PDLIM5: variants seen among roughly 807,000 people sequenced by gnomAD.
The protein encoded by PDLIM5 is PDZ and LIM domain protein 5.
Under a neutral mutation model 64.2 loss-of-function variants are expected in PDLIM5, and 34 were observed. The ratio of observed to expected loss-of-function variants is 0.53; its 90% confidence interval spans 0.40 to 0.71. PDLIM5 has a LOEUF of 0.71. Ranked by LOEUF, PDLIM5 falls within the 30% of genes least tolerant of loss-of-function variation. The probability of loss-of-function intolerance (pLI) is 0.00; values close to 1 mark genes in which losing one functional copy is unlikely to be tolerated. For missense variants in PDLIM5, 683 were observed against 733.6 expected (o/e 0.93, Z 0.80); for synonymous variants, 253 against 269.1 (o/e 0.94, Z 0.59).
chr4:94,521,702 C>T (rs1457722085), intron 2 of PDLIM5, among the ~76,000 whole-genome samples: 1 of 151,678 alleles, frequency 6.6e-6, no homozygotes, highest in Non-Finnish European at 1.5e-5. Flanking sequence ...ATGTTCATTA[C>T]CTTTATATTA....
intron 11 of PDLIM5, among the ~76,000 whole-genome samples, chr4:94,662,112 C>A (rs546475522): frequency 1.8e-4 from 28 of 152,214 alleles, no homozygotes; most frequent in Middle Eastern, 3.4e-3. Flanking sequence ...AGCAACCGCG[C>A]CCGGCCAGAA....
chr4:94,543,332 T>C (rs1431569258), intron 3 of PDLIM5, among the ~76,000 whole-genome samples: 1 of 152,140 alleles, frequency 6.6e-6, no homozygotes, highest in Non-Finnish European at 1.5e-5. Context: ...ATAAAAGTTG[T>C]ATATGTTTAT....
chr4:94,524,314 A>G (rs1434433965), intron 3 of PDLIM5, among the ~76,000 whole-genome samples: 1 of 147,916 alleles, frequency 6.8e-6, no homozygotes, highest in Non-Finnish European at 1.5e-5. Context: ...GGTTGCATTA[A>G]GCTCTGATCG....
intron 2 of PDLIM5, among the ~76,000 whole-genome samples, chr4:94,476,577 A>C (rs1170686176): frequency 6.6e-6 from 1 of 152,184 alleles, no homozygotes; most frequent in Non-Finnish European, 1.5e-5. Context: ...TTCTTTATGT[A>C]ACAGTACACC....
At chr4:94,452,207 A>G (rs1245064418) in intron 1 of PDLIM5, among the ~76,000 whole-genome samples, 1 of 152,188 alleles carries the variant, frequency 6.6e-6, no homozygotes, top group South Asian at 2.1e-4. Context: ...GGAAAAGGGC[A>G]GCGCTGGAGT....
At chr4:94,589,121 A>G (rs1246205939) in intron 7 of PDLIM5, among the ~76,000 whole-genome samples, 2 of 152,240 alleles carry the variant, frequency 1.3e-5, no homozygotes, top group Non-Finnish European at 2.9e-5. Flanking sequence ...CAGGATCCTA[A>G]AAGATGATGT....
Position 94,665,043 on chromosome 4 carries a change from T to G in PDLIM5, c.*976T>G. 1.0e-6 allele frequency: 1 copy of G among 982,294 alleles called. No homozygotes were observed. The highest frequency in any genetic ancestry group is 1.2e-6 in the Non-Finnish European group (1 of 826,992). 60.8% of individuals were successfully genotyped at this position (982,294 alleles called of 1,614,324 possible). ...CCATATAGCTTATAAGTCTCAAATT[T>G]TTGCCTTTTACTAAAATGTGATTGT... is the stretch of plus-strand genomic sequence containing the variant. On this transcript the variant is annotated 3_prime_UTR_variant, in exon 13 of 13. Transcript: ENST00000317968.
intron 7 of PDLIM5, among the ~76,000 whole-genome samples, chr4:94,594,817 GTCTTT>G (rs1431100818): frequency 2.0e-5 from 3 of 152,042 alleles, no homozygotes; most frequent in African/African-American, 4.8e-5. Context: ...ATTTTTATCA[GTCTTT>G]TCTTTATCTC....
At chr4:94,555,576 A>G (rs1733221847) in intron 3 of PDLIM5, among the ~76,000 whole-genome samples, 1 of 152,272 alleles carries the variant, frequency 6.6e-6, no homozygotes, top group Admixed American at 6.5e-5. Context: ...AACCTTTTTC[A>G]TTTAAATCTT....
chr4:94,455,662 C>G, intron 2 of PDLIM5: 3 of 858,294 alleles, frequency 3.5e-6, no homozygotes, highest in Non-Finnish European at 5.4e-6. Context: ...TGAACTGTCC[C>G]TAATTTGGGG....
chr4:94,518,112 C>T (rs779001473), intron 2 of PDLIM5, among the ~76,000 whole-genome samples: 2 of 152,028 alleles, frequency 1.3e-5, no homozygotes, highest in Admixed American at 6.6e-5. Flanking sequence ...GATTAAACAT[C>T]GTGCCTTTTT....
chr4:94,651,857 G>T (rs1021244068), intron 9 of PDLIM5, among the ~76,000 whole-genome samples: 4 of 152,148 alleles, frequency 2.6e-5, no homozygotes, highest in African/African-American at 9.7e-5. Flanking sequence ...ATTTCATAGA[G>T]CTGTGTCCTG....
intron 7 of PDLIM5, among the ~76,000 whole-genome samples, chr4:94,594,387 C>T (rs1018283298): frequency 6.6e-6 from 1 of 151,904 alleles, no homozygotes; most frequent in Non-Finnish European, 1.5e-5. Context: ...AGTTAGTGCT[C>T]TGAACAGAAA....
chr4:94,553,269 C>T (rs2452589), intron 3 of PDLIM5, among the ~76,000 whole-genome samples: 80,285 of 151,874 alleles, frequency 0.53, 22,254 homozygotes, highest in African/African-American at 0.69. Context: ...CCAGAATGCC[C>T]GGCTGATTTT....
At chr4:94,609,548 T>A (rs1738192061) in intron 7 of PDLIM5, among the ~76,000 whole-genome samples, 1 of 152,208 alleles carries the variant, frequency 6.6e-6, no homozygotes, top group Non-Finnish European at 1.5e-5. Flanking sequence ...TTTGATCATA[T>A]TCACTGTAAC....
chr4:94,548,899 C>G (rs1440909761), intron 3 of PDLIM5, among the ~76,000 whole-genome samples: 2 of 151,906 alleles, frequency 1.3e-5, no homozygotes, highest in African/African-American at 4.8e-5. Context: ...ACCTGACTCA[C>G]AAGTGTTTTG....
intron 7 of PDLIM5, among the ~76,000 whole-genome samples, chr4:94,604,054 G>A (rs2110357083): frequency 6.6e-6 from 1 of 152,264 alleles, no homozygotes; most frequent in South Asian, 2.1e-4. Flanking sequence ...TGGTGTTAAA[G>A]CTACAGGACA....
intron 2 of PDLIM5, among the ~76,000 whole-genome samples, chr4:94,518,410 C>T (rs1411913402): frequency 6.6e-6 from 1 of 152,090 alleles, no homozygotes; most frequent in African/African-American, 2.4e-5. Context: ...AAGTGTTCTG[C>T]TGTCTTGAGA....
At chr4:94,541,473 A>G (rs182421974) in intron 3 of PDLIM5, among the ~76,000 whole-genome samples, 1 of 152,360 alleles carries the variant, frequency 6.6e-6, no homozygotes, top group Admixed American at 6.5e-5. Flanking sequence ...TGAAGCTGAT[A>G]AGCATAAGTT....
Sources: allele counts gnomAD v4.1 joint callset (sites outside exome capture counted in the v4.1 genomes callset), GRCh38; gene constraint gnomAD v4.1.1; transcripts MANE v1.5; gene names NCBI Gene and HGNC (gene_info 2026-07-23, HGNC 2026-07-21).